The following ANKRD30B variants were observed in gnomAD, a reference collection of about 807,000 sequenced individuals.
ANKRD30B encodes the protein ankyrin repeat domain-containing protein 30B.
ANKRD30B carries 144 observed loss-of-function variants against 202.2 expected under a neutral mutation model. The ratio of observed to expected loss-of-function variants is 0.71; its 90% CI spans 0.62 to 0.82. The LOEUF is 0.82. Among genes scored for constraint, ANKRD30B ranks in the 40% least tolerant of loss-of-function variants. ANKRD30B has a pLI of 0.00. For missense variants in ANKRD30B, 1,487 were observed against 1,669.1 expected (o/e 0.89, Z 1.90); for synonymous variants, 508 against 561.3 (o/e 0.91, Z 1.34).
At chr18:14,871,790 C>T in the ANKRD30B span, among the ~76,000 whole-genome samples, 3 of 151,856 alleles carry the variant, frequency 2.0e-5, no homozygotes, top group South Asian at 2.1e-4. Flanking sequence ...CTCGGGAAGC[C>T]GAGGTGGGAG....
At chr18:14,932,733 C>G in the ANKRD30B span, among the ~76,000 whole-genome samples, 2,638 of 152,258 alleles carry the variant, frequency 0.017, 278 homozygotes, top group East Asian at 0.31. Flanking sequence ...CCTGAAGACC[C>G]TCTCAGGCTC....
chr18:14,760,162 G>A (rs1464905311), intron 5 of ANKRD30B, among the ~76,000 whole-genome samples: 4 of 152,172 alleles, frequency 2.6e-5, no homozygotes, highest in Non-Finnish European at 5.9e-5. Flanking sequence ...TTAAATCTTT[G>A]TAATAACCTA....
intron 26 of ANKRD30B, among the ~76,000 whole-genome samples, chr18:14,809,732 T>C (rs1969797171): frequency 6.6e-6 from 1 of 151,114 alleles, no homozygotes. Context: ...GCATTGTCTT[T>C]ACACAATCCT....
intron 1 of ANKRD30B, among the ~76,000 whole-genome samples, chr18:14,752,211 G>A (rs1913564069): frequency 6.6e-6 from 1 of 152,100 alleles, no homozygotes; most frequent in Non-Finnish European, 1.5e-5. Flanking sequence ...TCTCAATGAG[G>A]CATCACAGTG....
intron 7 of ANKRD30B, among the ~76,000 whole-genome samples, chr18:14,766,378 C>T (rs890784557): frequency 7.1e-6 from 1 of 140,984 alleles, no homozygotes; most frequent in Non-Finnish European, 1.5e-5. Flanking sequence ...GAGGCTGAGG[C>T]AGGAGAATGG....
intron 10 of ANKRD30B, among the ~76,000 whole-genome samples, chr18:14,779,062 G>T (rs1178243127): frequency 6.6e-6 from 1 of 152,164 alleles, no homozygotes; most frequent in Non-Finnish European, 1.5e-5. Context: ...ACATTATTTT[G>T]GCTAAGGAAG....
the ANKRD30B span, among the ~76,000 whole-genome samples, chr18:14,880,090 C>G: frequency 2.9e-3 from 435 of 151,962 alleles, no homozygotes; most frequent in South Asian, 4.0e-3. Flanking sequence ...GTTTTATTCC[C>G]CTACATGTGG....
chr18:14,880,634 T>C, the ANKRD30B span, among the ~76,000 whole-genome samples: 12 of 150,920 alleles, frequency 8.0e-5, no homozygotes, highest in East Asian at 2.0e-4. Flanking sequence ...GGTGTGATCT[T>C]GGCTCACTAC....
At chr18:14,808,868 A>G in intron 26 of ANKRD30B, 124 bp downstream of exon 26, 1 of 874,906 alleles carries the variant, frequency 1.1e-6, no homozygotes, top group Non-Finnish European at 1.7e-6. Flanking sequence ...TGATACAAAT[A>G]ATGCAAATGT....
chr18:14,768,681 G>T (rs180896273), intron 7 of ANKRD30B, among the ~76,000 whole-genome samples: 1 of 152,324 alleles, frequency 6.6e-6, no homozygotes, highest in African/African-American at 2.4e-5. Flanking sequence ...CATGAGAGCA[G>T]AGGGAAATCA....
the ANKRD30B span, among the ~76,000 whole-genome samples, chr18:14,928,999 CT>C: frequency 2.6e-5 from 4 of 152,132 alleles, no homozygotes; most frequent in African/African-American, 9.7e-5. Context: ...TGAAACAAAG[CT>C]TATTGTGACT....
At chr18:14,935,024 G>A in the ANKRD30B span, among the ~76,000 whole-genome samples, 2 of 151,876 alleles carry the variant, frequency 1.3e-5, no homozygotes, top group African/African-American at 4.8e-5. Context: ...GCGCTCTCAG[G>A]GACCCTGGGC....
intron 33 of ANKRD30B, among the ~76,000 whole-genome samples, chr18:14,830,490 T>C (rs1201824734): frequency 1.3e-5 from 2 of 152,158 alleles, no homozygotes; most frequent in Non-Finnish European, 2.9e-5. Context: ...TTTTCAACAT[T>C]TCAGATATTT....
Position 14,777,940 on chromosome 18 carries a change from A to G in ANKRD30B, c.1330-45A>G. ...TGTGAGACTTCATCTCAAAAAAACA[A>G]AAAAAGGAAAAAGACAAATTATTTA... On this transcript the variant is annotated intron_variant, in intron 9 of 43. Coordinates refer to ENST00000690538, the MANE Select transcript of ANKRD30B (RefSeq NM_001367607.2). 1.4e-6 allele frequency: 2 copies of G among 1,445,688 alleles called. 1 individual carries two copies. Among genetic ancestry groups the G allele is most frequent in the South Asian group, 2.5e-5 (2 of 79,030 alleles). 89.6% of individuals were successfully genotyped at this position (1,445,688 alleles called of 1,614,324 possible).
At chr18:14,835,901 G>A (rs995483336) in intron 34 of ANKRD30B, among the ~76,000 whole-genome samples, 1 of 151,646 alleles carries the variant, frequency 6.6e-6, no homozygotes, top group African/African-American at 2.4e-5. Flanking sequence ...TCTTGTTTTA[G>A]AATTAAATGT....
chr18:14,768,638 G>T (rs1434356329), intron 7 of ANKRD30B, among the ~76,000 whole-genome samples: 2 of 152,118 alleles, frequency 1.3e-5, no homozygotes. Flanking sequence ...CCACACATTT[G>T]GTCACAGAAG....
At chr18:14,762,491 T>C (rs1198538380) in intron 6 of ANKRD30B, among the ~76,000 whole-genome samples, 1 of 152,176 alleles carries the variant, frequency 6.6e-6, no homozygotes, top group African/African-American at 2.4e-5. Flanking sequence ...TGTTACGTAG[T>C]CTTGTACCAA....
chr18:14,783,668 T>G (rs1311019454), intron 12 of ANKRD30B, among the ~76,000 whole-genome samples: 2 of 152,124 alleles, frequency 1.3e-5, no homozygotes, highest in East Asian at 3.8e-4. Context: ...TTAATACATC[T>G]ATTGCAATTA....
chr18:14,853,472 G>A (rs1473448684), intron 42 of ANKRD30B, among the ~76,000 whole-genome samples: 1 of 151,234 alleles, frequency 6.6e-6, no homozygotes, highest in African/African-American at 2.4e-5. Context: ...ATGTTGATTT[G>A]TGCTTCTAAT....
Sources: allele counts gnomAD v4.1 joint callset (sites outside exome capture counted in the v4.1 genomes callset), GRCh38; gene constraint gnomAD v4.1.1; transcripts MANE v1.5; gene names NCBI Gene and HGNC (gene_info 2026-07-23, HGNC 2026-07-21).